MTR: variants seen among roughly 807,000 people sequenced by gnomAD.
MTR encodes 5-methyltetrahydrofolate-homocysteine methyltransferase.
MTR carries 84 observed loss-of-function variants against 154.8 expected under a neutral mutation model. That is an observed-to-expected ratio of 0.54 (90% CI 0.45 to 0.65). MTR has a LOEUF of 0.65. Ranked by LOEUF, MTR falls within the 30% of genes least tolerant of loss-of-function variation. MTR has a pLI of 0.00. For missense variants in MTR, 1,275 were observed against 1,570.2 expected (o/e 0.81, Z 3.18); for synonymous variants, 554 against 553.9 (o/e 1.00, Z 0.00).
intron 13 of MTR, among the ~76,000 whole-genome samples, chr1:236,832,357 T>C (rs1325417727): frequency 6.6e-6 from 1 of 152,228 alleles, no homozygotes; most frequent in East Asian, 1.9e-4. Context: ...CTATTAATCA[T>C]GAAATAAGTT....
At chr1:236,883,479 A>G (rs367830256) in intron 25 of MTR, among the ~76,000 whole-genome samples, 3 of 152,234 alleles carry the variant, frequency 2.0e-5, no homozygotes, top group Admixed American at 6.5e-5. Flanking sequence ...CTGGATGTCA[A>G]GGACATCTGG....
rs1660804334 is a variant in MTR, at chr1:236,803,492, G to A, written c.99G>A (p.Leu33=). The A allele has an allele frequency of 5.6e-6, 9 of 1,614,090 alleles. No individual in the cohort carries two copies. Among genetic ancestry groups the A allele is most frequent in the Non-Finnish European group, 7.6e-6 (9 of 1,180,034 alleles). The change falls in exon 2 of 33, where the codon CTG becomes CTA. Residue 33 remains leucine (L), a synonymous_variant. Coordinates refer to ENST00000366577, the MANE Select transcript of MTR (RefSeq NM_000254.3). ...NAILQKRIMV[L]DGGMGTMIQR... ...TTCTGCAGAAGAGGATTATGGTGCT[G>A]GATGGAGGGATGGGGACCATGATCC...
intron 24 of MTR, among the ~76,000 whole-genome samples, chr1:236,878,614 GAAAC>G (rs1665561822): frequency 6.8e-6 from 1 of 147,388 alleles, no homozygotes; most frequent in African/African-American, 2.5e-5. Context: ...CTAATGAACT[GAAAC>G]AAAAAAAATC....
chr1:236,891,497 C>T (rs1202168732), intron 29 of MTR, among the ~76,000 whole-genome samples, 168 bp downstream of exon 29: 7 of 152,252 alleles, frequency 4.6e-5, no homozygotes, highest in East Asian at 1.9e-4. Context: ...TCTGTGAGGA[C>T]GAGGGAGAGA....
chr1:236,843,430 T>C (rs890087627), intron 15 of MTR, among the ~76,000 whole-genome samples: 9 of 152,184 alleles, frequency 5.9e-5, no homozygotes, highest in Admixed American at 4.6e-4. Context: ...TCAAATCACA[T>C]AGGGCCTTGG....
At position 236,895,199 on chromosome 1, in the gene MTR, C is replaced by CTTTG. The variant is rs1666553165; in HGVS notation, c.3406-159_3406-158insTTTG. 2.0e-5 allele frequency: 17 copies of CTTTG among 849,476 alleles called. No individual in the cohort carries two copies. In the South Asian group the frequency reaches 2.6e-4, roughly 13 times the overall value. 52.6% of individuals were successfully genotyped at this position (849,476 alleles called of 1,614,324 possible). A position where few individuals can be genotyped will look rare whatever the true frequency, so the allele number is the denominator to read the frequency against. ...AGCAGCAGCTGATGAAAGTACAAAC[C>CTTTG]AATCAAGAATCCAGCCTGTTTCCTC... On this transcript the variant is annotated intron_variant, in intron 30 of 32. Transcript: ENST00000366577.
chr1:236,863,606 C>A, intron 22 of MTR, 52 bp downstream of exon 22: 1 of 1,478,428 alleles, frequency 6.8e-7, no homozygotes, highest in Non-Finnish European at 9.4e-7. Context: ...AAAATGAAAG[C>A]CTTTTAACAG....
At chr1:236,854,419 T>C (rs923472106) in intron 18 of MTR, among the ~76,000 whole-genome samples, 1 of 152,240 alleles carries the variant, frequency 6.6e-6, no homozygotes, top group Non-Finnish European at 1.5e-5. Flanking sequence ...AAACATTCCA[T>C]AGATTTTTAA....
At chr1:236,821,933 A>G (rs1661979440) in intron 8 of MTR, among the ~76,000 whole-genome samples, 1 of 152,158 alleles carries the variant, frequency 6.6e-6, no homozygotes, top group Non-Finnish European at 1.5e-5. Context: ...TCTTACACCA[A>G]TTCCACATTG....
rs1180704409 is a variant in MTR at position 236,862,295 on chromosome 1, AAAAG to A, written c.2262_2265del (p.Arg755LysfsTer10). On this transcript the variant is annotated frameshift_variant, in exon 21 of 33. Coordinates refer to ENST00000366577, the MANE Select transcript of MTR (RefSeq NM_000254.3). LOFTEE classifies it high-confidence loss of function. ...TTGGCCACCTTATCCCTTTCATGGAAAAAGAAAGAGAAGAAACCAGAGTGCTTAA... is the reference window on the plus strand; with the variant it reads ...TTGGCCACCTTATCCCTTTCATGGAAAAAGAGAAGAAACCAGAGTGCTTAA... 9.3e-6 allele frequency: 15 copies of A among 1,613,952 alleles called. No homozygotes were observed. The highest frequency in any genetic ancestry group is 1.3e-5 in the African/African-American group (1 of 74,924).
Position 236,862,241 on chromosome 1 carries a change from A to G in MTR, c.2202A>G (p.Ile734Met). ...ATCTATGCTTTTTTTCTCAGGTTAT[A>G]AAGTCAGCCCGGGTTATGAAGAAGG... ...GAGKMFLPQV[I>M]KSARVMKKAV... The change falls in exon 21 of 33, where the codon ATA becomes ATG. Residue 734 changes from isoleucine to methionine, a missense_variant. Physicochemically the swap from Ile to Met is conservative, Grantham distance 10. Transcript: ENST00000366577. 1 of 1,613,418 alleles carries G rather than the reference A, an allele frequency of 6.2e-7. No individual in the cohort carries two copies. Among genetic ancestry groups the G allele is most frequent in the East Asian group, 2.2e-5 (1 of 44,872 alleles).
At chr1:236,811,687 A>T (rs1427948153) in intron 5 of MTR, 3 of 456,294 alleles carry the variant, frequency 6.6e-6, no homozygotes, top group Admixed American at 2.3e-5. Flanking sequence ...CTTGGGCTGT[A>T]CAAGGTGAAG....
chr1:236,885,015 G>T, intron 25 of MTR, 106 bp from the exon 26 acceptor site: 1 of 760,838 alleles, frequency 1.3e-6, no homozygotes. Context: ...GAAGGGAGAA[G>T]AAATGAAGTT....
chr1:236,874,834 C>T lies in MTR; in HGVS notation c.2582C>T (p.Ala861Val). ...AGGATTCCATTGTTGATTGGAGGAG[C>T]AACCACTTCAAAGTAAGTTATACTA... ...AIRIPLLIGG[A>V]TTSKTHTAVK... is the part of the protein sequence containing the mutation. Residue 861 changes from alanine to valine, a missense_variant, in exon 24 of 33, where the codon GCA (alanine) becomes GTA (valine). Coordinates refer to ENST00000366577, the MANE Select transcript of MTR (RefSeq NM_000254.3). 1 of 1,613,752 alleles carries T rather than the reference C, an allele frequency of 6.2e-7. No homozygotes were observed. Among genetic ancestry groups the T allele is most frequent in the Non-Finnish European group, 8.5e-7 (1 of 1,179,834 alleles).
chr1:236,889,481 A>T (rs1285931391), intron 28 of MTR, 145 bp downstream of exon 28: 8 of 1,044,770 alleles, frequency 7.7e-6, no homozygotes, highest in Non-Finnish European at 1.2e-5. Context: ...CAACTTTTTA[A>T]TGGTTTTCAA....
At chr1:236,852,787 C>A in intron 17 of MTR, 150 bp downstream of exon 17, 1 of 1,095,426 alleles carries the variant, frequency 9.1e-7, no homozygotes, top group Non-Finnish European at 1.4e-6. Context: ...TCATTTGTAT[C>A]TTGTCTGTGG....
Position 236,852,378 on chromosome 1 carries a change from T to C in MTR, c.1696-143T>C, listed in dbSNP as rs138667281. 7,148 of 706,210 alleles carry C rather than the reference T, an allele frequency of 0.01. 64 individuals are homozygous for C. Among genetic ancestry groups the C allele is most frequent in the Middle Eastern group, 0.015 (38 of 2,546 alleles). The allele number at this position is 706,210 out of a possible 1,614,324, so 43.7% of individuals were successfully genotyped here. On this transcript the variant is annotated intron_variant, in intron 16 of 32. Coordinates refer to ENST00000366577, the MANE Select transcript of MTR (RefSeq NM_000254.3). ...AATACGGCAAGCTTTGGTCTATGTC[T>C]AGTAACAAGAAGCTCTGAATTACTT...
chr1:236,853,289 C>T (rs1234111178), intron 18 of MTR, among the ~76,000 whole-genome samples: 2 of 152,108 alleles, frequency 1.3e-5, no homozygotes, highest in Non-Finnish European at 2.9e-5. Context: ...TAGGGTGCTT[C>T]CGTATTCTGA....
chr1:236,889,480 A>C, intron 28 of MTR, 144 bp downstream of exon 28: 1 of 1,046,108 alleles, frequency 9.6e-7, no homozygotes, highest in Non-Finnish European at 1.4e-6. Flanking sequence ...CCAACTTTTT[A>C]ATGGTTTTCA....
Sources: gnomAD v4.1 joint callset for allele counts (sites outside exome capture counted in the v4.1 genomes callset) on GRCh38, gnomAD v4.1.1 for gene constraint, MANE v1.5 for transcripts, NCBI Gene and HGNC (gene_info 2026-07-23, HGNC 2026-07-21) for gene names.